Variants in RPGRIP1L observed in about 807,000 individuals in gnomAD.
RPGRIP1L encodes the protein protein fantom.
A neutral mutation model predicts 160.4 loss-of-function variants in RPGRIP1L; 131 were observed. That is an observed-to-expected ratio of 0.82 (90% CI 0.71 to 0.94). The LOEUF (loss-of-function observed/expected upper bound fraction) is 0.94. Ranked by LOEUF, RPGRIP1L falls within the 40% of genes least tolerant of loss-of-function variation. RPGRIP1L has a pLI of 0.00. For synonymous variants in RPGRIP1L, 510 were observed against 515.8 expected, an observed-to-expected ratio of 0.99 and a Z score of 0.15; for missense variants, 1,522 against 1,535.8, an observed-to-expected ratio of 0.99 and a Z score of 0.15.
chr16:53,625,410 C>T (rs1190560247), intron 22 of RPGRIP1L, among the ~76,000 whole-genome samples: 2 of 144,550 alleles, frequency 1.4e-5, no homozygotes, highest in Admixed American at 6.8e-5. Context: ...CTCAGCCTGG[C>T]GGCCGCCCCG....
chr16:53,661,627 C>T (rs1967807800), intron 10 of RPGRIP1L, among the ~76,000 whole-genome samples: 1 of 152,164 alleles, frequency 6.6e-6, no homozygotes, highest in Admixed American at 6.5e-5. Context: ...GTGTAAAGGG[C>T]ATGACTGTTC....
chr16:53,656,153 A>C (rs1967236636), intron 14 of RPGRIP1L, among the ~76,000 whole-genome samples: 1 of 152,190 alleles, frequency 6.6e-6, no homozygotes, highest in African/African-American at 2.4e-5. Flanking sequence ...GAATTACTAA[A>C]AATTCTTGAG....
chr16:53,690,713 A>C (rs990445020), intron 4 of RPGRIP1L, among the ~76,000 whole-genome samples: 3 of 152,200 alleles, frequency 2.0e-5, no homozygotes, highest in Non-Finnish European at 4.4e-5. Context: ...ACTAAGGTTC[A>C]GAGAGGATAG....
At chr16:53,671,629 C>T in intron 8 of RPGRIP1L, 46 bp from the exon 9 acceptor site, 1 of 981,058 alleles carries the variant, frequency 1.0e-6, no homozygotes, top group Non-Finnish European at 1.5e-6. Context: ...TTATATAAAA[C>T]CACTTGGGGG....
chr16:53,697,696 T>C (rs927151263), intron 2 of RPGRIP1L, among the ~76,000 whole-genome samples: 4 of 152,064 alleles, frequency 2.6e-5, no homozygotes, highest in African/African-American at 9.7e-5. Context: ...TGCAGTGGCG[T>C]GATCTCGGCT....
At chr16:53,622,022 CAAAAA>C (rs36057385) in intron 23 of RPGRIP1L, among the ~76,000 whole-genome samples, 192 bp downstream of exon 23, 2 of 24,132 alleles carry the variant, frequency 8.3e-5, no homozygotes, top group East Asian at 1.4e-3. Flanking sequence ...GACTCCGTCT[CAAAAA>C]AAAAAAAAAA....
intron 6 of RPGRIP1L, among the ~76,000 whole-genome samples, chr16:53,679,206 C>T (rs943745018): frequency 6.6e-6 from 1 of 152,042 alleles, no homozygotes. Context: ...CTCTTACCAC[C>T]CACAGGAATG....
chr16:53,673,621 C>G (rs1968925868), intron 7 of RPGRIP1L, among the ~76,000 whole-genome samples: 5 of 151,908 alleles, frequency 3.3e-5, no homozygotes, highest in South Asian at 4.1e-4. Context: ...AAGGTAAAGT[C>G]TTTTCATATA....
chr16:53,618,120 G>A (rs576136576), intron 24 of RPGRIP1L, among the ~76,000 whole-genome samples: 1 of 152,292 alleles, frequency 6.6e-6, no homozygotes, highest in Non-Finnish European at 1.5e-5. Flanking sequence ...TATTGGGTCT[G>A]TGCTGGTCCA....
At chr16:53,667,177 C>T (rs1373467591) in intron 9 of RPGRIP1L, among the ~76,000 whole-genome samples, 2 of 152,168 alleles carry the variant, frequency 1.3e-5, no homozygotes, top group East Asian at 3.8e-4. Context: ...TTCACTGTTA[C>T]ATGATGTTGC....
chr16:53,610,036 CTG>C (rs2150934526), intron 25 of RPGRIP1L, among the ~76,000 whole-genome samples: 1 of 151,972 alleles, frequency 6.6e-6, no homozygotes, highest in South Asian at 2.1e-4. Flanking sequence ...CAGTGAGAGG[CTG>C]TGTCATCAGT....
intron 12 of RPGRIP1L, among the ~76,000 whole-genome samples, chr16:53,657,914 T>A (rs1028981195): frequency 1.3e-5 from 2 of 152,162 alleles, no homozygotes; most frequent in Admixed American, 6.5e-5. Context: ...AAAAGAATCA[T>A]GTACATTTAT....
At position 53,631,570 on chromosome 16, in the gene RPGRIP1L, T is replaced by C. The variant is rs146701504; in HGVS notation, c.3294+4869A>G. 1.3e-4 allele frequency among the ~76,000 whole-genome samples: 20 copies of C among 152,344 alleles called. No individual in the cohort carries two copies. The East Asian group carries it at 3.7e-3, about 28-fold the overall frequency. The stretch of plus-strand genomic sequence containing the variant: ...TAATTTTTTTTAATGCCATGGCAGA[T>C]GCAAATGTTCAGTTTTGATGTCTGT... On this transcript the variant is annotated intron_variant, in intron 22 of 26. Transcript: ENST00000647211.
intron 5 of RPGRIP1L, among the ~76,000 whole-genome samples, chr16:53,687,632 T>C (rs1970110544): frequency 6.6e-6 from 1 of 152,128 alleles, no homozygotes; most frequent in Admixed American, 6.5e-5. Context: ...GAGGGTCAAA[T>C]TATAATAAAG....
chr16:53,622,812 C>G (rs1298804337), intron 22 of RPGRIP1L, among the ~76,000 whole-genome samples: 4 of 149,834 alleles, frequency 2.7e-5, no homozygotes, highest in African/African-American at 4.9e-5. Flanking sequence ...CACACACACA[C>G]ACACACACAC....
At chr16:53,658,503 A>C (rs1242887885) in intron 11 of RPGRIP1L, 39 bp from the exon 12 acceptor site, 1 of 1,467,484 alleles carries the variant, frequency 6.8e-7, no homozygotes, top group African/African-American at 1.4e-5. Flanking sequence ...TGAGTTATGA[A>C]TGGAAAATAC....
chr16:53,646,104 T>G, intron 16 of RPGRIP1L, 101 bp from the exon 17 acceptor site: 1 of 1,061,490 alleles, frequency 9.4e-7, no homozygotes, highest in Non-Finnish European at 1.4e-6. Flanking sequence ...TGACAAAAGC[T>G]GCATATTTTC....
Position 53,638,306 on chromosome 16 carries a change from A to G in RPGRIP1L, c.3060+4T>C. 2.0e-6 allele frequency: 3 copies of G among 1,489,554 alleles called. No homozygotes were observed. The highest frequency in any genetic ancestry group is 2.8e-6 in the Non-Finnish European group (3 of 1,067,402). 92.3% of individuals were successfully genotyped at this position (1,489,554 alleles called of 1,614,324 possible). A position where few individuals can be genotyped will look rare whatever the true frequency, so the allele number is the denominator to read the frequency against. ...TCCAAAATAATTTTAACACAAATGC[A>G]TACCTTGGGAACATGTGGAACAGTC... On this transcript the variant is annotated splice_donor_region_variant and intron_variant, in intron 20 of 26. Transcript: ENST00000647211.
rs191295651 is a variant in RPGRIP1L at position 53,676,393 on chromosome 16, T to C, written c.777-1271A>G. 7.2e-4 allele frequency among the ~76,000 whole-genome samples: 107 copies of C among 148,222 alleles called. No individual in the cohort carries two copies. The East Asian group carries it at 0.014, about 20-fold the overall frequency. ...ATTACCTTTAGCCACTAAAAATACA[T>C]ATATATATAATATAAAGAGAAAAAT... On this transcript the variant is annotated intron_variant, in intron 6 of 26. Transcript: ENST00000647211.
Sources: allele counts gnomAD v4.1 joint callset (sites outside exome capture counted in the v4.1 genomes callset), GRCh38; gene constraint gnomAD v4.1.1; transcripts MANE v1.5; gene names NCBI Gene and HGNC (gene_info 2026-07-23, HGNC 2026-07-21).